The following PPHLN1 variants were observed in gnomAD, a reference collection of about 807,000 sequenced individuals.
The protein encoded by PPHLN1 is periphilin 1, also known as periphilin-1.
A neutral mutation model predicts 51.3 loss-of-function variants in PPHLN1; 29 were observed. That is an observed-to-expected ratio of 0.57 (90% CI 0.42 to 0.77). The LOEUF (loss-of-function observed/expected upper bound fraction) is 0.77, where lower values mean the gene tolerates loss of function less well. Among genes scored for constraint, PPHLN1 ranks in the 30% least tolerant of loss-of-function variants. The pLI is 0.00. For missense variants in PPHLN1, 436 were observed against 438.4 expected (o/e 0.99, Z 0.05); for synonymous variants, 147 against 147.8 (o/e 0.99, Z 0.04).
intron 9 of PPHLN1, among the ~76,000 whole-genome samples, chr12:42,409,047 A>T (rs2079568036): frequency 6.6e-6 from 1 of 152,190 alleles, no homozygotes; most frequent in South Asian, 2.1e-4. Context: ...AATAAAATAG[A>T]AGTATTAAAA....
intron 1 of PPHLN1, among the ~76,000 whole-genome samples, chr12:42,330,687 T>G (rs896205849): frequency 6.6e-6 from 1 of 152,188 alleles, no homozygotes; most frequent in African/African-American, 2.4e-5. Context: ...AAACAATTGT[T>G]CAGGGTACAG....
rs112693596 is a variant in PPHLN1 at position 42,341,713 on chromosome 12, C to G, written c.72+5739C>G. Among the ~76,000 whole-genome samples the G allele has an allele frequency of 8.6e-3, 1,305 of 152,236 alleles. 3 individuals are homozygous for G. The highest frequency in any genetic ancestry group is 0.012 in the Non-Finnish European group (833 of 68,026). On this transcript the variant is annotated intron_variant, in intron 2 of 9. Transcript: ENST00000358314. ...CTCGGCTCACTGCAAGCTCCGCCTC[C>G]CGGGTTCACGCCATTCTTCTGCCTC...
intron 9 of PPHLN1, among the ~76,000 whole-genome samples, chr12:42,404,032 C>CTT (rs1244802926): frequency 2.1e-5 from 3 of 143,866 alleles, no homozygotes; most frequent in Non-Finnish European, 1.5e-5. Context: ...ACCTTTTCCT[C>CTT]TTTTTTTTTT....
intron 7 of PPHLN1, among the ~76,000 whole-genome samples, chr12:42,391,087 T>C (rs1473556138): frequency 1.3e-5 from 2 of 152,150 alleles, no homozygotes; most frequent in African/African-American, 2.4e-5. Flanking sequence ...TGTGGGGAGC[T>C]TTATGAGCTA....
intron 4 of PPHLN1, among the ~76,000 whole-genome samples, chr12:42,359,843 C>CA (rs2074426464): frequency 6.6e-6 from 1 of 152,104 alleles, no homozygotes; most frequent in East Asian, 1.9e-4. Flanking sequence ...TGTGATGGCT[C>CA]ACGCCTGTAA....
chr12:42,343,978 T>C (rs886766253), intron 2 of PPHLN1: 3 of 362,654 alleles, frequency 8.3e-6, no homozygotes, highest in Non-Finnish European at 1.6e-5. Flanking sequence ...GTTAGGAAAT[T>C]ACAAGCTTAT....
At chr12:42,421,978 G>T (rs951012401) in intron 9 of PPHLN1, among the ~76,000 whole-genome samples, 54 of 152,234 alleles carry the variant, frequency 3.5e-4, no homozygotes, top group Admixed American at 1.7e-3. Context: ...CTGCTAGAAA[G>T]AAAGCTGCTG....
chr12:42,419,704 T>G (rs942842862), intron 9 of PPHLN1, among the ~76,000 whole-genome samples: 10 of 152,160 alleles, frequency 6.6e-5, no homozygotes, highest in South Asian at 2.1e-4. Flanking sequence ...AGAAAGAAAA[T>G]AACTTATACC....
intron 9 of PPHLN1, among the ~76,000 whole-genome samples, chr12:42,401,541 A>C (rs2078847898): frequency 6.6e-6 from 1 of 151,828 alleles, no homozygotes; most frequent in Non-Finnish European, 1.5e-5. Flanking sequence ...GGGAGTGAGC[A>C]TTACCTCCTC....
chr12:42,393,820 C>A, intron 8 of PPHLN1, 131 bp downstream of exon 8: 1 of 859,270 alleles, frequency 1.2e-6, no homozygotes, highest in Non-Finnish European at 1.7e-6. Flanking sequence ...ATTAAAATTA[C>A]CACACAGAAT....
At chr12:42,371,798 G>A (rs2075827004) in intron 4 of PPHLN1, among the ~76,000 whole-genome samples, 1 of 152,166 alleles carries the variant, frequency 6.6e-6, no homozygotes. Flanking sequence ...CCAATTACAT[G>A]TTGGTAATAC....
chr12:42,414,676 T>C (rs2139584209), intron 9 of PPHLN1, among the ~76,000 whole-genome samples: 1 of 152,312 alleles, frequency 6.6e-6, no homozygotes, highest in South Asian at 2.1e-4. Flanking sequence ...GGGAGTCTTT[T>C]GGAGGAGTCT....
In PPHLN1 at chr12:42,359,282, TATTC is replaced by T. The variant is rs1240114298; in HGVS notation, c.299+4068_299+4071del. 3.3e-5 allele frequency: 5 copies of T among 152,360 alleles called. No individual in the cohort carries two copies. In the East Asian group the frequency reaches 9.6e-4, roughly 29 times the overall value. 9.4% of individuals were successfully genotyped at this position (152,360 alleles called of 1,614,324 possible). A position where few individuals can be genotyped will look rare whatever the true frequency, so the allele number is the denominator to read the frequency against. ...AGTATGGAGTTCATTCTGTATGGTA[TATTC>T]ATTCATTTATTAAATATTTCTTGTG... On this transcript the variant is annotated intron_variant, in intron 4 of 9. Coordinates refer to ENST00000358314, the MANE Select transcript of PPHLN1 (RefSeq NM_201439.2).
intron 2 of PPHLN1, chr12:42,347,246 AATGCCTGTTT>A (rs2072487230): frequency 1.3e-5 from 2 of 152,162 alleles, no homozygotes; most frequent in Non-Finnish European, 2.9e-5. Flanking sequence ...TCTTTGGAGA[AATGCCTGTTT>A]ATGGTCTTTG....
At chr12:42,390,210 CTTCT>C (rs1167297581) in intron 7 of PPHLN1, among the ~76,000 whole-genome samples, 2 of 152,138 alleles carry the variant, frequency 1.3e-5, no homozygotes, top group East Asian at 3.9e-4. Flanking sequence ...AAAAAAACAG[CTTCT>C]TTGTGACAAC....
intron 4 of PPHLN1, among the ~76,000 whole-genome samples, chr12:42,355,900 A>G (rs1035256639): frequency 1.3e-5 from 2 of 152,124 alleles, no homozygotes; most frequent in African/African-American, 4.8e-5. Context: ...TTTCAGAAGT[A>G]TTCTGGGTTC....
intron 9 of PPHLN1, chr12:42,399,871 A>G (rs1373851254): frequency 6.6e-6 from 1 of 152,174 alleles, no homozygotes; most frequent in Non-Finnish European, 1.5e-5. Context: ...AGAGGAATAT[A>G]AGGAAAATGG....
At chr12:42,445,085 G>A (rs979008885), downstream of PPHLN1, 7 of 702,122 alleles carry the variant, frequency 1.0e-5, no homozygotes, top group Admixed American at 2.0e-5. Context: ...CTCTCGAGCC[G>A]GCCCTGTGTG....
In PPHLN1 at chr12:42,326,172, G is replaced by A. The variant is rs747620521; in HGVS notation, c.-78G>A. ...TGCGCGCGCCGGAAGTACCTACCTG[G>A]GATAACGGCGGCGAGCGGACGGCTG... On this transcript the variant is annotated 5_prime_UTR_variant, in exon 1 of 10. Coordinates refer to ENST00000358314, the MANE Select transcript of PPHLN1 (RefSeq NM_201439.2). 2 of 152,360 alleles carry A rather than the reference G, an allele frequency of 1.3e-5. No homozygotes were observed. The highest frequency in any genetic ancestry group is 2.9e-5 in the Non-Finnish European group (2 of 68,130). 9.4% of individuals were successfully genotyped at this position (152,360 alleles called of 1,614,324 possible).
Sources: allele counts gnomAD v4.1 joint callset (sites outside exome capture counted in the v4.1 genomes callset), GRCh38; gene constraint gnomAD v4.1.1; transcripts MANE v1.5; gene names NCBI Gene and HGNC (gene_info 2026-07-23, HGNC 2026-07-21).